MYO3A: variants seen among roughly 807,000 people sequenced by gnomAD.
The protein encoded by MYO3A is myosin IIIA.
Under a neutral mutation model 192.7 loss-of-function variants are expected in MYO3A, and 180 were observed. The observed-to-expected ratio is 0.93, with a 90% CI of 0.83 to 1.06. The LOEUF (loss-of-function observed/expected upper bound fraction) is 1.06. MYO3A is among the 50% of genes least tolerant of loss of function. MYO3A has a pLI of 0.00. For synonymous variants in MYO3A, 628 were observed against 645.3 expected (o/e 0.97, Z 0.41); for missense variants, 1,896 against 1,905.0 (o/e 1.00, Z 0.09).
At chr10:26,070,032 T>C (rs1835101090) in intron 12 of MYO3A, 79 bp from the exon 13 acceptor site, 2 of 1,016,336 alleles carry the variant, frequency 2.0e-6, no homozygotes, top group South Asian at 2.9e-5. Context: ...GCTTTAAAAA[T>C]TGGAGCTATA....
rs760893587 is a variant in MYO3A, at chr10:25,997,227, C to T, written c.477C>T (p.Thr159=). 2 of 1,613,270 alleles carry T rather than the reference C, an allele frequency of 1.2e-6. No homozygotes were observed. Among genetic ancestry groups the T allele is most frequent in the Non-Finnish European group, 1.7e-6 (2 of 1,179,512 alleles). The part of the protein sequence containing the change: ...RDVKGNNILL[T]TEGGVKLVDF... Reference sequence around the variant, plus strand: ...TGAAAGGCAATAACATTCTATTGACCACGGAAGGTGGAGTGAAACTAGTAG... The same window carrying T: ...TGAAAGGCAATAACATTCTATTGACTACGGAAGGTGGAGTGAAACTAGTAG... The change falls in exon 6 of 35, where the codon ACC becomes ACT. Residue 159 remains threonine, a synonymous_variant. Coordinates refer to ENST00000642920, the MANE Select transcript of MYO3A (RefSeq NM_017433.5).
At chr10:26,004,337 C>T (rs571550728) in intron 6 of MYO3A, among the ~76,000 whole-genome samples, 1 of 151,998 alleles carries the variant, frequency 6.6e-6, no homozygotes, top group Admixed American at 6.6e-5. Flanking sequence ...CAACGGGCGG[C>T]AGGTTTCTTA....
At chr10:26,102,662 T>C (rs1837535544) in intron 17 of MYO3A, among the ~76,000 whole-genome samples, 1 of 152,120 alleles carries the variant, frequency 6.6e-6, no homozygotes, top group Admixed American at 6.5e-5. Context: ...TTGCTGGAGG[T>C]CCCCTCCAGA....
intron 2 of MYO3A, among the ~76,000 whole-genome samples, chr10:25,936,369 T>C (rs1351952224): frequency 6.6e-6 from 1 of 152,170 alleles, no homozygotes. Context: ...AATGTATAGT[T>C]CTTTTATATA....
chr10:26,106,876 T>A (rs1161870416), intron 17 of MYO3A, among the ~76,000 whole-genome samples: 1 of 152,168 alleles, frequency 6.6e-6, no homozygotes, highest in East Asian at 1.9e-4. Flanking sequence ...ATCTATGAGC[T>A]AGTATTTTAT....
chr10:26,125,688 A>G (rs1839181169), intron 19 of MYO3A, 80 bp downstream of exon 19: 2 of 1,199,668 alleles, frequency 1.7e-6, no homozygotes, highest in Non-Finnish European at 2.5e-6. Flanking sequence ...TTTTGTATAG[A>G]TCTCTTTCAA....
At chr10:26,029,115 A>G (rs1842693847) in intron 10 of MYO3A, among the ~76,000 whole-genome samples, 1 of 152,198 alleles carries the variant, frequency 6.6e-6, no homozygotes, top group Non-Finnish European at 1.5e-5. Context: ...TTGTCTCTCA[A>G]TGTTCAAACA....
At chr10:25,977,855 A>G (rs59769950) in intron 4 of MYO3A, among the ~76,000 whole-genome samples, 2,054 of 152,254 alleles carry the variant, frequency 0.013, 48 homozygotes, top group African/African-American at 0.045. Flanking sequence ...CCACTTCCAG[A>G]TAGAAATATC....
At chr10:25,966,085 C>A (rs1005417531) in intron 4 of MYO3A, among the ~76,000 whole-genome samples, 11 of 151,640 alleles carry the variant, frequency 7.3e-5, no homozygotes, top group Non-Finnish European at 1.2e-4. Context: ...TAGTTATTAA[C>A]TTGGTGTCCT....
chr10:26,026,586 A>G, intron 10 of MYO3A, 54 bp downstream of exon 10: 1 of 1,598,330 alleles, frequency 6.3e-7, no homozygotes, highest in Non-Finnish European at 8.6e-7. Context: ...AAGATTTTGA[A>G]CAGTTTAACA....
At position 26,141,568 on chromosome 10, in the gene MYO3A, A is replaced by T. The variant is rs114742578; in HGVS notation, c.2263-1880A>T. 5.5e-3 allele frequency among the ~76,000 whole-genome samples: 838 copies of T among 152,312 alleles called. 8 individuals are homozygous for T. Among genetic ancestry groups the T allele is most frequent in the African/African-American group, 0.019 (786 of 41,570 alleles). On this transcript the variant is annotated intron_variant, in intron 20 of 34. Coordinates refer to ENST00000642920, the MANE Select transcript of MYO3A (RefSeq NM_017433.5). ...ATAGAAATGACAAATGCATTAGTTT[A>T]GACCTTAACCTCGTGTACTTTCTGT...
At position 25,972,449 on chromosome 10, in the gene MYO3A, CCTT is replaced by C. The variant is rs368108820; in HGVS notation, c.303+17445_303+17447del. ...CCAATGACTGGGCCCGCTCACAAGC[CCTT>C]CTTTTTTTCATGTGTATGGATGATA... On this transcript the variant is annotated intron_variant, in intron 4 of 34. Transcript: ENST00000642920. Among the ~76,000 whole-genome samples the C allele has an allele frequency of 9.4e-4, 143 of 151,892 alleles. 2 individuals carry two copies. In the East Asian group the frequency reaches 0.019, roughly 20 times the overall value.
chr10:25,991,143 T>C (rs1160816283), intron 4 of MYO3A, among the ~76,000 whole-genome samples: 5 of 152,196 alleles, frequency 3.3e-5, no homozygotes, highest in Admixed American at 6.5e-5. Context: ...TGTAAAAGTG[T>C]TCCTATTTCT....
intron 14 of MYO3A, among the ~76,000 whole-genome samples, chr10:26,085,032 A>G (rs1836220318): frequency 6.6e-6 from 1 of 152,132 alleles, no homozygotes; most frequent in African/African-American, 2.4e-5. Context: ...CTTCCAGGCT[A>G]CCCAAATTGC....
chr10:25,988,939 C>CTTTTTTTTTTTTTTTTTTTTTT (rs56308717), intron 4 of MYO3A, among the ~76,000 whole-genome samples: 11 of 116,992 alleles, frequency 9.4e-5, no homozygotes, highest in Non-Finnish European at 1.6e-4. Context: ...CCCTAAAACT[C>CTTTTTTTTTTTTTTTTTTTTTT]TTTTTTTTTT....
intron 20 of MYO3A, among the ~76,000 whole-genome samples, chr10:26,133,143 A>AT (rs1411190897): frequency 6.6e-6 from 1 of 152,174 alleles, no homozygotes; most frequent in East Asian, 1.9e-4. Context: ...TTTCTTCCCT[A>AT]TTAAGTCATA....
chr10:25,995,309 C>A (rs61848903), intron 4 of MYO3A, among the ~76,000 whole-genome samples: 1,710 of 152,326 alleles, frequency 0.011, 13 homozygotes, highest in Non-Finnish European at 0.015. Flanking sequence ...GTTGCTGAAG[C>A]TTGTGCATTC....
intron 7 of MYO3A, among the ~76,000 whole-genome samples, chr10:26,018,063 T>TG (rs1842079306): frequency 6.6e-6 from 1 of 151,220 alleles, no homozygotes; most frequent in Non-Finnish European, 1.5e-5. Context: ...TGTTTATTTA[T>TG]TATAACAAGC....
chr10:26,098,980 T>C (rs898742074), intron 17 of MYO3A, among the ~76,000 whole-genome samples: 1 of 152,226 alleles, frequency 6.6e-6, no homozygotes, highest in Non-Finnish European at 1.5e-5. Flanking sequence ...GAGATGGCAA[T>C]GAATCTACAA....
Sources: gnomAD v4.1 joint callset for allele counts (sites outside exome capture counted in the v4.1 genomes callset) on GRCh38, gnomAD v4.1.1 for gene constraint, MANE v1.5 for transcripts, NCBI Gene and HGNC (gene_info 2026-07-23, HGNC 2026-07-21) for gene names.